Variants in CFAP57 observed in about 807,000 individuals in gnomAD.
CFAP57 encodes cilia- and flagella-associated protein 57.
CFAP57 carries 116 observed loss-of-function variants against 146.8 expected under a neutral mutation model. The ratio of observed to expected loss-of-function variants is 0.79; its 90% CI spans 0.68 to 0.92. The LOEUF (loss-of-function observed/expected upper bound fraction) is 0.92. CFAP57 is among the 40% of genes least tolerant of loss of function. The pLI is 0.00. For synonymous variants in CFAP57, 518 were observed against 552.8 expected, an observed-to-expected ratio of 0.94 and a Z score of 0.88; for missense variants, 1,377 against 1,527.2, an observed-to-expected ratio of 0.90 and a Z score of 1.64.
intron 22 of CFAP57, among the ~76,000 whole-genome samples, chr1:43,246,858 C>T (rs1254593305): frequency 3.9e-5 from 6 of 152,170 alleles, no homozygotes; most frequent in African/African-American, 1.2e-4. Flanking sequence ...GAAAGTCTCA[C>T]CTTTTTTATT....
intron 9 of CFAP57, among the ~76,000 whole-genome samples, chr1:43,203,610 G>A (rs971938287): frequency 8.6e-5 from 13 of 152,046 alleles, no homozygotes; most frequent in South Asian, 4.1e-4. Flanking sequence ...ACAGGTGTGC[G>A]CCACCATGCC....
chr1:43,196,482 G>T (rs766207905), intron 6 of CFAP57: 5 of 153,304 alleles, frequency 3.3e-5, no homozygotes, highest in South Asian at 2.1e-4. Flanking sequence ...GCAGGGTCAG[G>T]CCTGGTTAAT....
chr1:43,172,817 A>C lies in CFAP57; in HGVS notation c.64A>C (p.Ile22Leu). The change falls in exon 2 of 23, where the codon ATC becomes CTC. Residue 22 changes from isoleucine to leucine, a missense_variant. Transcript: ENST00000372492. ...FGLRSHVANN[I>L]FYFDEQIIIF... Reference sequence around the variant, plus strand: ...TCTTCGATCCCACGTGGCCAACAATATCTTCTACTTCGATGAACAGATCAT... The same window carrying C: ...TCTTCGATCCCACGTGGCCAACAATCTCTTCTACTTCGATGAACAGATCAT... 1 of 1,614,162 alleles carries C rather than the reference A, an allele frequency of 6.2e-7. No individual in the cohort carries two copies. The highest frequency in any genetic ancestry group is 1.1e-5 in the South Asian group (1 of 91,084).
intron 21 of CFAP57, among the ~76,000 whole-genome samples, chr1:43,236,276 C>T (rs903036263): frequency 7.2e-5 from 11 of 151,948 alleles, no homozygotes; most frequent in East Asian, 3.9e-4. Flanking sequence ...GCAGGGGGTG[C>T]GGGTCTCCGG....
intron 17 of CFAP57, 67 bp downstream of exon 17, chr1:43,224,271 A>G (rs1160415162): frequency 1.4e-6 from 2 of 1,436,896 alleles, no homozygotes; most frequent in Non-Finnish European, 1.8e-6. Flanking sequence ...GGCAAAGCTC[A>G]GGGGAGAGAG....
chr1:43,195,250 G>A (rs1643793755), intron 6 of CFAP57, among the ~76,000 whole-genome samples: 1 of 152,330 alleles, frequency 6.6e-6, no homozygotes, highest in South Asian at 2.1e-4. Context: ...CAGGCCAGGT[G>A]TGATGGCTCA....
chr1:43,229,080 C>T (rs1281338163), intron 18 of CFAP57, among the ~76,000 whole-genome samples: 2 of 149,022 alleles, frequency 1.3e-5, no homozygotes, highest in Non-Finnish European at 3.0e-5. Context: ...GTTCATCAGA[C>T]CATAGCAGCC....
intron 7 of CFAP57, 143 bp downstream of exon 7, chr1:43,197,835 A>G (rs1643929637): frequency 7.5e-6 from 9 of 1,200,944 alleles, no homozygotes; most frequent in South Asian, 1.4e-5. Flanking sequence ...AAGTCAGTCA[A>G]CCTACCTGTT....
At chr1:43,252,942 G>A (rs1482461149) in intron 22 of CFAP57, among the ~76,000 whole-genome samples, 1 of 152,210 alleles carries the variant, frequency 6.6e-6, no homozygotes, top group Non-Finnish European at 1.5e-5. Context: ...AAAAGACAAA[G>A]AGGAGGGAGT....
intron 13 of CFAP57, among the ~76,000 whole-genome samples, chr1:43,220,809 A>G (rs1645014827): frequency 6.6e-6 from 1 of 152,242 alleles, no homozygotes; most frequent in African/African-American, 2.4e-5. Context: ...GGCTAAAAAA[A>G]AAAAAGAAAG....
At chr1:43,187,603 CA>C (rs1389108441) in intron 6 of CFAP57, among the ~76,000 whole-genome samples, 1,827 of 136,002 alleles carry the variant, frequency 0.013, 8 homozygotes, top group Non-Finnish European at 0.015. Flanking sequence ...TTTATCACCT[CA>C]AAAAAAAAAA....
intron 21 of CFAP57, among the ~76,000 whole-genome samples, chr1:43,236,037 A>G (rs1418101208): frequency 6.6e-6 from 1 of 150,576 alleles, no homozygotes; most frequent in Non-Finnish European, 1.5e-5. Context: ...TATGCCCCGG[A>G]GGGTGCTGGG....
intron 11 of CFAP57, chr1:43,210,229 AGCT>A: frequency 6.7e-7 from 1 of 1,498,978 alleles, no homozygotes; most frequent in Non-Finnish European, 8.9e-7. Flanking sequence ...ACTTGACCAC[AGCT>A]GCCTCCTCCT....
intron 9 of CFAP57, 136 bp downstream of exon 9, chr1:43,199,639 T>C (rs1644029766): frequency 1.3e-6 from 1 of 774,232 alleles, no homozygotes; most frequent in Non-Finnish European, 2.2e-6. Flanking sequence ...AAAGAGACAA[T>C]AAAACAAATG....
At chr1:43,219,664 A>G (rs1052307386) in intron 13 of CFAP57, 127 bp downstream of exon 13, 5 of 1,168,172 alleles carry the variant, frequency 4.3e-6, no homozygotes, top group South Asian at 1.3e-5. Flanking sequence ...ATTTTAAAGC[A>G]TAGTCGTTGA....
chr1:43,173,365 G>C (rs1645051577), intron 2 of CFAP57, among the ~76,000 whole-genome samples: 1 of 151,986 alleles, frequency 6.6e-6, no homozygotes, highest in East Asian at 1.9e-4. Context: ...TGTTCACAGT[G>C]GTCCTGTTAA....
intron 17 of CFAP57, 35 bp from the exon 18 acceptor site, chr1:43,226,948 C>G (rs1201915220): frequency 6.1e-6 from 9 of 1,468,038 alleles, no homozygotes; most frequent in Non-Finnish European, 8.1e-6. Context: ...CAGGGCCTTA[C>G]AATATCTCTC....
intron 9 of CFAP57, 194 bp from the exon 10 acceptor site, chr1:43,206,526 G>A: frequency 1.7e-6 from 1 of 600,170 alleles, no homozygotes; most frequent in Non-Finnish European, 3.0e-6. Flanking sequence ...TTCATCTTCA[G>A]TAATTTGCAA....
chr1:43,241,522 C>A (rs1447366665), intron 21 of CFAP57, among the ~76,000 whole-genome samples: 2 of 152,130 alleles, frequency 1.3e-5, no homozygotes, highest in African/African-American at 4.8e-5. Flanking sequence ...GTGCTTAAGA[C>A]CATCCTGTTC....
Sources: allele counts gnomAD v4.1 joint callset (sites outside exome capture counted in the v4.1 genomes callset), GRCh38; gene constraint gnomAD v4.1.1; transcripts MANE v1.5; gene names NCBI Gene and HGNC (gene_info 2026-07-23, HGNC 2026-07-21).